Variants in DPY19L2 observed in about 807,000 individuals in gnomAD.
DPY19L2 encodes dpy-19 like 2, also known as probable C-mannosyltransferase DPY19L2.
In DPY19L2, 34 loss-of-function variants were observed where a neutral mutation model predicts 97.9. The observed-to-expected ratio is 0.35, with a 90% CI of 0.26 to 0.46. The LOEUF (loss-of-function observed/expected upper bound fraction) is 0.46, where lower values mean the gene tolerates loss of function less well. DPY19L2 is among the 20% of genes least tolerant of loss of function. DPY19L2 has a pLI of 1.00. For missense variants in DPY19L2, 623 were observed against 911.4 expected (o/e 0.68, Z 4.07); for synonymous variants, 230 against 307.9 (o/e 0.75, Z 2.65).
intron 20 of DPY19L2, among the ~76,000 whole-genome samples, chr12:63,570,195 A>C (rs3864440): frequency 1.3e-5 from 2 of 151,330 alleles, no homozygotes; most frequent in African/African-American, 4.9e-5. Flanking sequence ...CAGCCATTTA[A>C]GGAAAGCAAA....
At chr12:63,649,512 T>TA (rs1363896436) in intron 4 of DPY19L2, among the ~76,000 whole-genome samples, 8 of 152,016 alleles carry the variant, frequency 5.3e-5, no homozygotes, top group Admixed American at 1.3e-4. Context: ...ATTGACCCTG[T>TA]AGAAAAGCAA....
At chr12:63,661,022 T>C (rs1895605333) in intron 4 of DPY19L2, 1 of 165,920 alleles carries the variant, frequency 6.0e-6, no homozygotes, top group Non-Finnish European at 1.3e-5. Flanking sequence ...GTCATCATGC[T>C]CACCCACGAG....
At chr12:63,564,090 T>C (rs900159727) in intron 21 of DPY19L2, among the ~76,000 whole-genome samples, 5 of 152,160 alleles carry the variant, frequency 3.3e-5, no homozygotes, top group Non-Finnish European at 5.9e-5. Context: ...CCTGTAGTGA[T>C]AAAATCTTTC....
intron 11 of DPY19L2, among the ~76,000 whole-genome samples, chr12:63,614,207 GAAGAA>G: frequency 7.3e-6 from 1 of 137,912 alleles, no homozygotes; most frequent in South Asian, 2.3e-4. Context: ...AAAAAAAAAA[GAAGAA>G]AAGAAAGAAA....
intron 6 of DPY19L2, among the ~76,000 whole-genome samples, chr12:63,635,516 C>T (rs546475434): frequency 1.3e-5 from 2 of 152,106 alleles, no homozygotes; most frequent in South Asian, 2.1e-4. Flanking sequence ...TCGAACCCAT[C>T]GCAAAGAAGC....
intron 21 of DPY19L2, among the ~76,000 whole-genome samples, chr12:63,566,217 C>A (rs980823412): frequency 3.9e-5 from 6 of 152,024 alleles, no homozygotes; most frequent in African/African-American, 1.4e-4. Flanking sequence ...TGCTATAGTG[C>A]TCTTTTGTTT....
chr12:63,649,598 G>A (rs893347501), intron 4 of DPY19L2, among the ~76,000 whole-genome samples: 1 of 152,020 alleles, frequency 6.6e-6, no homozygotes, highest in East Asian at 1.9e-4. Context: ...TAAATTCCTG[G>A]AAATATATAA....
intron 6 of DPY19L2, among the ~76,000 whole-genome samples, chr12:63,628,819 T>G (rs1160357326): frequency 1.3e-5 from 2 of 150,794 alleles, no homozygotes; most frequent in African/African-American, 2.5e-5. Flanking sequence ...CACCCCCCAG[T>G]AGGGGCAGAC....
intron 12 of DPY19L2, among the ~76,000 whole-genome samples, chr12:63,602,652 G>A (rs952756453): frequency 7.2e-5 from 11 of 151,966 alleles, no homozygotes; most frequent in African/African-American, 2.7e-4. Flanking sequence ...GAACCTCCAG[G>A]CACAAAAGTC....
chr12:63,608,117 C>T (rs1886364628), intron 12 of DPY19L2, among the ~76,000 whole-genome samples: 1 of 151,984 alleles, frequency 6.6e-6, no homozygotes, highest in Non-Finnish European at 1.5e-5. Context: ...TAGGTAGTGG[C>T]TGAGTTCAAA....
intron 19 of DPY19L2, among the ~76,000 whole-genome samples, chr12:63,579,429 A>C (rs1189925181): frequency 2.0e-5 from 3 of 152,218 alleles, no homozygotes; most frequent in African/African-American, 4.8e-5. Flanking sequence ...ACTCATAATA[A>C]GGGTAGTTAA....
At position 63,559,241 on chromosome 12, in the gene DPY19L2, C is replaced by T. The variant is rs572681592; in HGVS notation, c.*1271G>A. 1 of 152,194 alleles carries T rather than the reference C, an allele frequency of 6.6e-6. No homozygotes were observed. The highest frequency in any genetic ancestry group is 2.1e-4 in the South Asian group (1 of 4,818). The allele number at this position is 152,194 out of a possible 1,614,324, so 9.4% of individuals were successfully genotyped here. On this transcript the variant is annotated 3_prime_UTR_variant, in exon 22 of 22. Transcript: ENST00000324472. ...TACAACTATGAAAGTTGAAAAATAA[C>T]TTTATTGGTTTTGCTGCATATAGCT...
intron 16 of DPY19L2, among the ~76,000 whole-genome samples, chr12:63,587,816 C>T (rs1036715531): frequency 1.3e-5 from 2 of 152,016 alleles, no homozygotes; most frequent in Non-Finnish European, 2.9e-5. Context: ...CGTGATCCGC[C>T]CGCCTTGGCC....
At chr12:63,616,779 A>C (rs572943029) in intron 11 of DPY19L2, among the ~76,000 whole-genome samples, 1 of 152,290 alleles carries the variant, frequency 6.6e-6, no homozygotes, top group African/African-American at 2.4e-5. Context: ...GGTGCAAAAT[A>C]ATCGGTCTTA....
chr12:63,638,539 T>C (rs1892136592), intron 6 of DPY19L2, among the ~76,000 whole-genome samples: 1 of 152,092 alleles, frequency 6.6e-6, no homozygotes, highest in African/African-American at 2.4e-5. Flanking sequence ...TGTGCAAAAA[T>C]CACAACCATT....
chr12:63,588,960 A>G (rs1384097216), intron 16 of DPY19L2, among the ~76,000 whole-genome samples: 4 of 151,738 alleles, frequency 2.6e-5, no homozygotes, highest in Non-Finnish European at 5.9e-5. Flanking sequence ...TCACCATGTT[A>G]GCCAGGATGG....
intron 20 of DPY19L2, among the ~76,000 whole-genome samples, chr12:63,569,681 A>C (rs1283252012): frequency 6.6e-6 from 1 of 152,168 alleles, no homozygotes. Flanking sequence ...TCTGACAGAG[A>C]CTGAATGTAG....
chr12:63,626,942 C>A (rs1424558930), intron 6 of DPY19L2, among the ~76,000 whole-genome samples: 1 of 152,068 alleles, frequency 6.6e-6, no homozygotes, highest in Admixed American at 6.6e-5. Context: ...CCACACCCGG[C>A]TAATTTTTTT....
intron 21 of DPY19L2, among the ~76,000 whole-genome samples, chr12:63,563,717 G>A (rs1877089945): frequency 6.6e-6 from 1 of 152,022 alleles, no homozygotes; most frequent in Non-Finnish European, 1.5e-5. Context: ...TTGATTGGTT[G>A]TTTCCTTTTA....
Sources: allele counts gnomAD v4.1 joint callset (sites outside exome capture counted in the v4.1 genomes callset), GRCh38; gene constraint gnomAD v4.1.1; transcripts MANE v1.5; gene names NCBI Gene and HGNC (gene_info 2026-07-23, HGNC 2026-07-21).